The following PPP1R14C variants were observed in gnomAD, a reference collection of about 807,000 sequenced individuals.
PPP1R14C encodes protein phosphatase 1 regulatory subunit 14C.
In PPP1R14C, 16 loss-of-function variants were observed where a neutral mutation model predicts 20.4. The ratio of observed to expected loss-of-function variants is 0.78; its 90% CI spans 0.53 to 1.19. The LOEUF is 1.19. Ranked by LOEUF, PPP1R14C falls within the 50% of genes most tolerant of loss-of-function variation. The pLI, the probability that PPP1R14C is intolerant of heterozygous loss-of-function variation, is 0.00. For missense variants in PPP1R14C, 211 were observed against 220.1 expected (o/e 0.96, Z 0.26); for synonymous variants, 91 against 91.0 (o/e 1.00, Z 0.00).
rs183778173 is a variant in PPP1R14C at position 150,245,200 on chromosome 6, C to T, written c.424-3546C>T. On this transcript the variant is annotated intron_variant, in intron 3 of 3. Transcript: ENST00000361131. Reference sequence around the variant, plus strand: ...GCCTCCTAAATGGGTCCCGGGTCTACCCACTTGTTTCCATCTGGGTTTCTA... The same window carrying T: ...GCCTCCTAAATGGGTCCCGGGTCTATCCACTTGTTTCCATCTGGGTTTCTA... Among the ~76,000 whole-genome samples, 6 of 152,318 alleles carry T rather than the reference C, an allele frequency of 3.9e-5. No homozygotes were observed. The East Asian group carries it at 1.2e-3, about 29-fold the overall frequency.
intron 1 of PPP1R14C, among the ~76,000 whole-genome samples, chr6:150,186,815 G>A (rs1777682978): frequency 6.6e-6 from 1 of 152,148 alleles, no homozygotes; most frequent in Admixed American, 6.5e-5. Flanking sequence ...AGCTGGGGGT[G>A]GCTGCTAAGA....
chr6:150,150,452 T>C (rs1777232340), intron 1 of PPP1R14C, among the ~76,000 whole-genome samples: 1 of 152,160 alleles, frequency 6.6e-6, no homozygotes, highest in Non-Finnish European at 1.5e-5. Context: ...GGTACATGTT[T>C]GCTTTTGCTG....
chr6:150,216,764 C>A, intron 2 of PPP1R14C, 60 bp from the exon 3 acceptor site: 1 of 1,182,118 alleles, frequency 8.5e-7, no homozygotes, highest in South Asian at 1.4e-5. Context: ...TTAATTTTGC[C>A]TTAAAAATAA....
At chr6:150,199,412 A>G (rs1298875308) in intron 1 of PPP1R14C, among the ~76,000 whole-genome samples, 1 of 152,164 alleles carries the variant, frequency 6.6e-6, no homozygotes, top group Admixed American at 6.5e-5. Flanking sequence ...CCCCTGTGAA[A>G]GAGGCTTCAT....
chr6:150,154,324 T>C (rs1777282120), intron 1 of PPP1R14C, among the ~76,000 whole-genome samples: 1 of 152,230 alleles, frequency 6.6e-6, no homozygotes, highest in African/African-American at 2.4e-5. Context: ...CTGGCACCTA[T>C]GAGATTAATT....
At chr6:150,192,171 G>T (rs753696113) in intron 1 of PPP1R14C, among the ~76,000 whole-genome samples, 2 of 152,140 alleles carry the variant, frequency 1.3e-5, no homozygotes, top group African/African-American at 2.4e-5. Flanking sequence ...GGCTTGATTT[G>T]GATGCCGCCT....
chr6:150,177,336 C>A (rs1256770306), intron 1 of PPP1R14C, among the ~76,000 whole-genome samples: 1 of 152,106 alleles, frequency 6.6e-6, no homozygotes. Context: ...CATATATGGG[C>A]CTCACTTAAT....
chr6:150,143,422 A>T lies in PPP1R14C; in HGVS notation c.230A>T (p.Asp77Val). 3 of 1,612,024 alleles carry T rather than the reference A, an allele frequency of 1.9e-6. No homozygotes were observed. The highest frequency in any genetic ancestry group is 2.5e-6 in the Non-Finnish European group (3 of 1,179,218). The change falls in exon 1 of 4, where the codon GAT becomes GTT. Residue 77 changes from aspartate to valine, a missense_variant. By Grantham distance (152) the Asp-to-Val change is radical. Coordinates refer to ENST00000361131, the MANE Select transcript of PPP1R14C (RefSeq NM_030949.3). This position sits in a 1 kb window ranked among gnomAD's most constrained non-coding sequence, Gnocchi z 5.6. ...CAGGGAAAAGTGACAGTGAAATACG[A>T]TCGTAAGGAGCTTCGGAAGCGGCTG... The part of the protein sequence containing the change: ...HQQGKVTVKY[D>V]RKELRKRLVL...
chr6:150,191,410 G>C (rs1275797063), intron 1 of PPP1R14C, among the ~76,000 whole-genome samples: 1 of 152,192 alleles, frequency 6.6e-6, no homozygotes, highest in Non-Finnish European at 1.5e-5. Context: ...AGTATCTGTG[G>C]AGTGATTGTA....
chr6:150,235,444 T>C (rs9480004), intron 3 of PPP1R14C, among the ~76,000 whole-genome samples: 6,090 of 152,314 alleles, frequency 0.04, 394 homozygotes, highest in African/African-American at 0.14. Context: ...TGTAACCAAT[T>C]GTCACCACTG....
chr6:150,186,596 G>T (rs554062323), intron 1 of PPP1R14C, among the ~76,000 whole-genome samples: 15 of 152,140 alleles, frequency 9.9e-5, no homozygotes, highest in Admixed American at 3.3e-4. Flanking sequence ...CTGGGCTTCC[G>T]GGGCTCCAGA....
chr6:150,158,605 A>G (rs1259904288), intron 1 of PPP1R14C, among the ~76,000 whole-genome samples: 1 of 152,220 alleles, frequency 6.6e-6, no homozygotes, highest in Non-Finnish European at 1.5e-5. Context: ...AACTATCAGT[A>G]GTGCTTTTTA....
intron 3 of PPP1R14C, among the ~76,000 whole-genome samples, chr6:150,247,845 T>TGG (rs1393980582): frequency 6.6e-6 from 1 of 152,118 alleles, no homozygotes; most frequent in Non-Finnish European, 1.5e-5. Context: ...CAAACACTAG[T>TGG]GGTGGGTCCC....
At chr6:150,208,166 C>A (rs1777977763) in intron 1 of PPP1R14C, among the ~76,000 whole-genome samples, 1 of 152,142 alleles carries the variant, frequency 6.6e-6, no homozygotes, top group East Asian at 1.9e-4. Context: ...CCCTGGGGAC[C>A]AAATTCACCC....
intron 3 of PPP1R14C, among the ~76,000 whole-genome samples, chr6:150,245,624 A>C (rs1413728610): frequency 6.6e-6 from 1 of 152,246 alleles, no homozygotes; most frequent in Non-Finnish European, 1.5e-5. Flanking sequence ...AAGGAGCAGC[A>C]CTTCTCTGAC....
chr6:150,228,163 A>G (rs768186530), intron 3 of PPP1R14C, among the ~76,000 whole-genome samples: 1 of 152,218 alleles, frequency 6.6e-6, no homozygotes, highest in Non-Finnish European at 1.5e-5. Context: ...AATGTTAGGT[A>G]AGCTTGCTGA....
chr6:150,184,946 C>A (rs1042447318), intron 1 of PPP1R14C, among the ~76,000 whole-genome samples: 1 of 152,210 alleles, frequency 6.6e-6, no homozygotes, highest in African/African-American at 2.4e-5. Flanking sequence ...CATCTGTTGG[C>A]AGTGGGATTG....
intron 1 of PPP1R14C, among the ~76,000 whole-genome samples, chr6:150,168,955 C>A (rs1163645639): frequency 6.6e-6 from 1 of 152,232 alleles, no homozygotes; most frequent in Non-Finnish European, 1.5e-5. Flanking sequence ...TGGCTCACTG[C>A]AACATCTGCC....
intron 1 of PPP1R14C, among the ~76,000 whole-genome samples, chr6:150,175,457 G>A (rs924688516): frequency 3.3e-5 from 5 of 152,164 alleles, no homozygotes; most frequent in African/African-American, 1.2e-4. Context: ...ATGTTTTTGG[G>A]AAAGTGAATC....
Sources: gnomAD v4.1 joint callset for allele counts (sites outside exome capture counted in the v4.1 genomes callset) on GRCh38, gnomAD v4.1.1 for gene constraint, Gnocchi (gnomAD v3.1) non-coding constraint, MANE v1.5 for transcripts, NCBI Gene and HGNC (gene_info 2026-07-23, HGNC 2026-07-21) for gene names.